ZMYND10: variants seen among roughly 807,000 people sequenced by gnomAD.
ZMYND10 encodes the protein zinc finger MYND-type containing 10, also known as zinc finger MYND domain-containing protein 10.
A neutral mutation model predicts 62.6 loss-of-function variants in ZMYND10; 52 were observed. The observed-to-expected ratio is 0.83, with a 90% CI of 0.67 to 1.05. The LOEUF (loss-of-function observed/expected upper bound fraction) is 1.05. ZMYND10 is among the 50% of genes least tolerant of loss of function. The pLI, the probability that ZMYND10 is intolerant of heterozygous loss-of-function variation, is 0.00. For synonymous variants in ZMYND10, 197 were observed against 218.5 expected, an observed-to-expected ratio of 0.90 and a Z score of 0.87; for missense variants, 438 against 543.3, an observed-to-expected ratio of 0.81 and a Z score of 1.93.
chr3:50,341,653 C>T lies in ZMYND10; in HGVS notation c.1168G>A (p.Glu390Lys), dbSNP rs753509882. The T allele has an allele frequency of 1.9e-5, 31 of 1,614,116 alleles. No homozygotes were observed. The highest frequency in any genetic ancestry group is 2.4e-5 in the Non-Finnish European group (28 of 1,180,052). The change falls in exon 11 of 12, where the codon GAG (glutamate) becomes AAG (lysine). Residue 390 changes from glutamate to lysine, a missense_variant. Transcript: ENST00000231749. ...CTGCAGTAAGCACAGCGGGGCCGCT[C>T]TGGAGCCACTGCCTCTAGCACATCC... is the stretch of plus-strand genomic sequence containing the variant. ...RLDVLEAVAP[E>K]RPRCAYCSAE... is the part of the protein sequence containing the mutation.
In ZMYND10 at chr3:50,345,159, C is replaced by T. The variant is rs771587192; in HGVS notation, c.166G>A (p.Glu56Lys). ...GTGACCAGCAGCTCCTGAATGGGCTCGCCCTGGCTGACTGTGGCATCGAGG... is the reference window on the plus strand; with the variant it reads ...GTGACCAGCAGCTCCTGAATGGGCTTGCCCTGGCTGACTGTGGCATCGAGG... ...AILDATVSQG[E>K]PIQELLVTHG... Residue 56 changes from glutamate (E) to lysine (K), a missense_variant, in exon 2 of 12, where the codon GAG (glutamate) becomes AAG (lysine). Physicochemically the swap from Glu to Lys is moderately conservative, Grantham distance 56 (BLOSUM62 1). Coordinates refer to ENST00000231749, the MANE Select transcript of ZMYND10 (RefSeq NM_015896.4). This position sits in a 1 kb window ranked among gnomAD's most constrained non-coding sequence, Gnocchi z 5.0. 31 of 1,613,890 alleles carry T rather than the reference C, an allele frequency of 1.9e-5. No homozygotes were observed. Among genetic ancestry groups the T allele is most frequent in the South Asian group, 8.8e-5 (8 of 91,038 alleles).
chr3:50,341,468 T>G lies in ZMYND10; in HGVS notation c.1265A>C (p.His422Pro), dbSNP rs1272562930. The change falls in exon 12 of 12, where the codon CAC (histidine) becomes CCC (proline). Residue 422 changes from histidine (H) to proline (P), a missense_variant. Transcript: ENST00000231749. ...WYCCRECQVKHWEKHGKTCVL... is the reference protein window; with the variant it reads ...WYCCRECQVKPWEKHGKTCVL... ...ACAAGTCTTTCCATGCTTTTCCCAGTGCTTGACTTGGCACTCCCTGCAGGC... is the reference window on the plus strand; with the variant it reads ...ACAAGTCTTTCCATGCTTTTCCCAGGGCTTGACTTGGCACTCCCTGCAGGC... 1 of 1,614,232 alleles carries G rather than the reference T, an allele frequency of 6.2e-7. No homozygotes were observed. The highest frequency in any genetic ancestry group is 1.1e-5 in the South Asian group (1 of 91,090).
chr3:50,342,495 C>T lies in ZMYND10; in HGVS notation c.775G>A (p.Asp259Asn), dbSNP rs772481555. ...PSEQQKLSKL[D>N]GQVWIALYNL... ...TACAGGGCGATCCACACTTGCCCGTCCAACTTGCTCAGCTTTTGCTGCTCT... is the reference window on the plus strand; with the variant it reads ...TACAGGGCGATCCACACTTGCCCGTTCAACTTGCTCAGCTTTTGCTGCTCT... The change falls in exon 8 of 12, where the codon GAC becomes AAC. Residue 259 changes from aspartate (D) to asparagine (N), a missense_variant. Coordinates refer to ENST00000231749, the MANE Select transcript of ZMYND10 (RefSeq NM_015896.4). The T allele has an allele frequency of 1.2e-6, 2 of 1,614,068 alleles. No individual in the cohort carries two copies. The highest frequency in any genetic ancestry group is 1.7e-4 in the Middle Eastern group (1 of 6,042).
At chr3:50,342,291 A>C (rs989145292) in intron 8 of ZMYND10, 106 bp downstream of exon 8, 1 of 1,565,892 alleles carries the variant, frequency 6.4e-7, no homozygotes, top group Non-Finnish European at 8.7e-7. Context: ...TGAAAAGAGC[A>C]CTGGGGTTGA....
At chr3:50,344,303 C>A (rs908793468) in intron 2 of ZMYND10, among the ~76,000 whole-genome samples, 1 of 149,922 alleles carries the variant, frequency 6.7e-6, no homozygotes, top group African/African-American at 2.4e-5. Flanking sequence ...CTTTCTTTTG[C>A]AAAGGACCTT....
At position 50,343,389 on chromosome 3, in the gene ZMYND10, C is replaced by A; in HGVS notation, c.428G>T (p.Arg143Leu). ...CTGGGCCACCAGCAGGGTCAGTTTG[C>A]GGTGGCAATAGTCTACCAAGTCCAA... is the stretch of plus-strand genomic sequence containing the variant. ...TVLDLVDYCH[R>L]KLTLLVAQSG... The change falls in exon 5 of 12, where the codon CGC (arginine) becomes CTC (leucine). Residue 143 changes from arginine (R) to leucine (L), a missense_variant. Arg to Leu is a moderately radical substitution (Grantham distance 102). Transcript: ENST00000231749. The A allele has an allele frequency of 2.5e-6, 4 of 1,613,584 alleles. No homozygotes were observed. Among genetic ancestry groups the A allele is most frequent in the Non-Finnish European group, 3.4e-6 (4 of 1,179,732 alleles).
Position 50,341,215 on chromosome 3 carries a change from G to C in ZMYND10, c.*195C>G. On this transcript the variant is annotated 3_prime_UTR_variant, in exon 12 of 12. Coordinates refer to ENST00000231749, the MANE Select transcript of ZMYND10 (RefSeq NM_015896.4). ...AAGCAACACACTTGGCCTACCCACTGGGTGGGGCAGGAAGTCTCGAGCCTT... is the reference window on the plus strand; with the variant it reads ...AAGCAACACACTTGGCCTACCCACTCGGTGGGGCAGGAAGTCTCGAGCCTT... 2.8e-6 allele frequency: 2 copies of C among 712,506 alleles called. No individual in the cohort carries two copies. The highest frequency in any genetic ancestry group is 4.6e-6 in the Non-Finnish European group (2 of 435,010). 44.1% of individuals were successfully genotyped at this position (712,506 alleles called of 1,614,324 possible). A position where few individuals can be genotyped will look rare whatever the true frequency, so the allele number is the denominator to read the frequency against.
At chr3:50,341,725 CT>C in intron 10 of ZMYND10, 26 bp from the exon 11 acceptor site, 2 of 1,613,548 alleles carry the variant, frequency 1.2e-6, no homozygotes, top group Non-Finnish European at 1.7e-6. Flanking sequence ...GAAGGTCTGA[CT>C]GGCCCTGGAA....
In ZMYND10 at chr3:50,343,398, T is replaced by C; in HGVS notation, c.419A>G (p.Tyr140Cys). 6.2e-7 allele frequency: 1 copy of C among 1,613,770 alleles called. No homozygotes were observed. Residue 140 changes from tyrosine (Y) to cysteine (C), a missense_variant, in exon 5 of 12, where the codon TAT becomes TGT. Physicochemically the swap from Tyr to Cys is radical, Grantham distance 194. Transcript: ENST00000231749. The stretch of plus-strand genomic sequence containing the variant: ...CAGCAGGGTCAGTTTGCGGTGGCAA[T>C]AGTCTACCAAGTCCAAGACAGTGTC... Reference protein sequence around the residue: ...AEDTVLDLVDYCHRKLTLLVA... With the variant: ...AEDTVLDLVDCCHRKLTLLVA...
chr3:50,345,678 G>A lies in ZMYND10; in HGVS notation c.-99C>T. ...CCCGACGGTGCCAAAGTCTGGGACA[G>A]GACAGTTGCGGGACGGTTGGGGAGC... On this transcript the variant is annotated 5_prime_UTR_variant, in exon 1 of 12. Coordinates refer to ENST00000231749, the MANE Select transcript of ZMYND10 (RefSeq NM_015896.4). This position sits in a 1 kb window ranked among gnomAD's most constrained non-coding sequence, Gnocchi z 5.0. The A allele has an allele frequency of 7.9e-6, 12 of 1,524,718 alleles. No homozygotes were observed. The South Asian group carries it at 1.5e-4, about 19-fold the overall frequency. 94.4% of individuals were successfully genotyped at this position (1,524,718 alleles called of 1,614,324 possible). A position where few individuals can be genotyped will look rare whatever the true frequency, so the allele number is the denominator to read the frequency against.
In ZMYND10 at chr3:50,345,020, C is replaced by T. The variant is rs1302032482; in HGVS notation, c.201+104G>A. 5 of 881,100 alleles carry T rather than the reference C, an allele frequency of 5.7e-6. No homozygotes were observed. Among genetic ancestry groups the T allele is most frequent in the Non-Finnish European group, 9.0e-6 (5 of 554,692 alleles). The allele number at this position is 881,100 out of a possible 1,614,324, so 54.6% of individuals were successfully genotyped here. The stretch of plus-strand genomic sequence containing the variant: ...ATTCCTCTTTGTCCTTCAGGGAGAA[C>T]AGGTGTACCAGGCCAGAGGGGAAGG... On this transcript the variant is annotated intron_variant, in intron 2 of 11. Transcript: ENST00000231749. This position sits in a 1 kb window ranked among gnomAD's most constrained non-coding sequence, Gnocchi z 5.0.
In ZMYND10 at chr3:50,345,337, G is replaced by A; in HGVS notation, c.93-105C>T. ...AACCTGATCCTGAGGGGACACAGGG[G>A]GCTCAGGAGCAGTAATACTCCTGTC... is the stretch of plus-strand genomic sequence containing the variant. On this transcript the variant is annotated intron_variant, in intron 1 of 11. Transcript: ENST00000231749. This position sits in a 1 kb window ranked among gnomAD's most constrained non-coding sequence, Gnocchi z 5.0. 1 of 1,498,646 alleles carries A rather than the reference G, an allele frequency of 6.7e-7. No homozygotes were observed. 92.8% of individuals were successfully genotyped at this position (1,498,646 alleles called of 1,614,324 possible). A position where few individuals can be genotyped will look rare whatever the true frequency, so the allele number is the denominator to read the frequency against.
intron 2 of ZMYND10, chr3:50,344,706 G>C (rs1326164704): frequency 1.3e-5 from 2 of 159,352 alleles, no homozygotes; most frequent in African/African-American, 4.9e-5. Flanking sequence ...CATCTCCCTG[G>C]TTTCTAACTT....
intron 4 of ZMYND10, 38 bp from the exon 5 acceptor site, chr3:50,343,482 C>G (rs946554271): frequency 1.7e-5 from 28 of 1,613,520 alleles, no homozygotes; most frequent in South Asian, 2.2e-5. Context: ...GTGTCTGATG[C>G]CTTCCCCACA....
chr3:50,341,841 A>G lies in ZMYND10; in HGVS notation c.1090T>C (p.Ser364Pro). 5 of 1,614,096 alleles carry G rather than the reference A, an allele frequency of 3.1e-6. No individual in the cohort carries two copies. The highest frequency in any genetic ancestry group is 3.3e-5 in the Admixed American group (2 of 60,034). The change falls in exon 10 of 12, where the codon TCA becomes CCA. Residue 364 changes from serine (S) to proline (P), a missense_variant. Transcript: ENST00000231749. ...GCCTGCAGCCGCAGGTCCTGCTCTGAGGGGCTGAACACATGCTGGAGCTGG... is the reference window on the plus strand; with the variant it reads ...GCCTGCAGCCGCAGGTCCTGCTCTGGGGGGCTGAACACATGCTGGAGCTGG... The part of the protein sequence containing the change: ...KHQLQHVFSP[S>P]EQDLRLQARR...
Position 50,343,505 on chromosome 3 carries a change from CCCTT to C in ZMYND10, c.372+54_372+57del. 2.5e-6 allele frequency: 4 copies of C among 1,614,152 alleles called. No homozygotes were observed. In the Admixed American group the frequency reaches 5.0e-5, roughly 20 times the overall value. On this transcript the variant is annotated intron_variant, in intron 4 of 11. Transcript: ENST00000231749. ...TGCCTTCCCCACACAGACACAATCT[CCCTT>C]CCTGCCAGGCCCTGACCCGGAACTG...
intron 11 of ZMYND10, 35 bp downstream of exon 11, chr3:50,341,539 G>T (rs766282516): frequency 1.2e-6 from 2 of 1,614,122 alleles, no homozygotes; most frequent in African/African-American, 2.7e-5. Context: ...TGTGGGAGTA[G>T]GGCTTAGAGG....
In ZMYND10 at chr3:50,342,474, G is replaced by A; in HGVS notation, c.796C>T (p.Leu266=). 6.2e-7 allele frequency: 1 copy of A among 1,613,544 alleles called. No homozygotes were observed. Among genetic ancestry groups the A allele is most frequent in the Non-Finnish European group, 8.5e-7 (1 of 1,179,800 alleles). ...SKLDGQVWIA[L]YNLLLSPEAQ... ...TCAGGGCTTAGCAGCAGGTTGTACAGGGCGATCCACACTTGCCCGTCCAAC... is the reference window on the plus strand; with the variant it reads ...TCAGGGCTTAGCAGCAGGTTGTACAAGGCGATCCACACTTGCCCGTCCAAC... Residue 266 remains leucine (L), a synonymous_variant, in exon 8 of 12, where the codon CTG becomes TTG. Transcript: ENST00000231749.
chr3:50,344,475 T>C (rs1703482149), intron 2 of ZMYND10, among the ~76,000 whole-genome samples: 1 of 151,990 alleles, frequency 6.6e-6, no homozygotes, highest in Admixed American at 6.6e-5. Context: ...TGCACCACCA[T>C]GCTCTGCAAA....
Sources: allele counts gnomAD v4.1 joint callset (sites outside exome capture counted in the v4.1 genomes callset), GRCh38; gene constraint gnomAD v4.1.1; non-coding constraint Gnocchi (gnomAD v3.1); transcripts MANE v1.5; gene names NCBI Gene and HGNC (gene_info 2026-07-23, HGNC 2026-07-21).